The following LHFPL3 variants were observed in gnomAD, a reference collection of about 807,000 sequenced individuals.
LHFPL3 encodes the protein LHFPL tetraspan subfamily member 3.
In LHFPL3, 5 loss-of-function variants were observed where a neutral mutation model predicts 19.3. That is an observed-to-expected ratio of 0.26 (90% CI 0.14 to 0.54). The LOEUF (loss-of-function observed/expected upper bound fraction) is 0.54, where lower values mean the gene tolerates loss of function less well. LHFPL3 is among the 20% of genes least tolerant of loss of function. The pLI is 0.94. For missense variants in LHFPL3, 249 were observed against 307.4 expected, an observed-to-expected ratio of 0.81 and a Z score of 1.42; for synonymous variants, 133 against 126.2, an observed-to-expected ratio of 1.05 and a Z score of -0.36.
chr7:104,775,852 C>T (rs1178953329), intron 2 of LHFPL3, among the ~76,000 whole-genome samples: 2 of 146,652 alleles, frequency 1.4e-5, no homozygotes, highest in Non-Finnish European at 1.5e-5. Flanking sequence ...TCTTTTCTGT[C>T]TTTTTTTTTT....
intron 1 of LHFPL3, among the ~76,000 whole-genome samples, chr7:104,730,770 T>G (rs574027010): frequency 3.3e-5 from 5 of 152,370 alleles, no homozygotes; most frequent in African/African-American, 1.2e-4. Context: ...TTTGTCAATT[T>G]TGGCTTTTGT....
At chr7:104,472,261 T>G (rs1792925610) in intron 1 of LHFPL3, among the ~76,000 whole-genome samples, 3 of 152,074 alleles carry the variant, frequency 2.0e-5, no homozygotes, top group African/African-American at 7.2e-5. Context: ...ATATATCACC[T>G]TCATGCCACC....
At chr7:104,742,818 G>A (rs956989925) in intron 2 of LHFPL3, among the ~76,000 whole-genome samples, 1 of 152,112 alleles carries the variant, frequency 6.6e-6, no homozygotes, top group Non-Finnish European at 1.5e-5. Context: ...TACTCTTTTA[G>A]GAACTTGTTA....
chr7:104,504,077 T>A (rs1793653916), intron 1 of LHFPL3, among the ~76,000 whole-genome samples: 1 of 152,228 alleles, frequency 6.6e-6, no homozygotes, highest in Admixed American at 6.5e-5. Flanking sequence ...CAGGCCAGAC[T>A]CCATTCCTTT....
intron 2 of LHFPL3, among the ~76,000 whole-genome samples, chr7:104,755,313 T>G (rs1794261663): frequency 6.6e-6 from 1 of 151,894 alleles, no homozygotes; most frequent in Non-Finnish European, 1.5e-5. Flanking sequence ...ATATACCCCA[T>G]ACACAGGGGA....
chr7:104,881,811 AT>A (rs1007837652), intron 2 of LHFPL3, among the ~76,000 whole-genome samples: 1 of 152,192 alleles, frequency 6.6e-6, no homozygotes, highest in African/African-American at 2.4e-5. Flanking sequence ...TTGTGGTCTT[AT>A]TTTAGAAATT....
chr7:104,396,119 C>T (rs891469654), intron 1 of LHFPL3, among the ~76,000 whole-genome samples: 2 of 152,114 alleles, frequency 1.3e-5, no homozygotes, highest in Non-Finnish European at 2.9e-5. Context: ...AAAAGATGGC[C>T]ACTCTATTGC....
At chr7:104,590,940 G>T (rs1790704581) in intron 1 of LHFPL3, among the ~76,000 whole-genome samples, 1 of 152,040 alleles carries the variant, frequency 6.6e-6, no homozygotes, top group Non-Finnish European at 1.5e-5. Context: ...TGCAACACCT[G>T]CTTTTTTTTG....
At chr7:104,768,697 G>C (rs1340937838) in intron 2 of LHFPL3, 2 of 152,122 alleles carry the variant, frequency 1.3e-5, no homozygotes, top group African/African-American at 4.8e-5. Flanking sequence ...TTATTTCCAG[G>C]AACAGAATAC....
chr7:104,753,797 G>A (rs1794223536), intron 2 of LHFPL3, among the ~76,000 whole-genome samples: 1 of 152,160 alleles, frequency 6.6e-6, no homozygotes, highest in African/African-American at 2.4e-5. Context: ...GTAAAGAAAT[G>A]CCCAAATAAT....
intron 2 of LHFPL3, among the ~76,000 whole-genome samples, chr7:104,750,535 A>AT (rs1335919761): frequency 3.3e-5 from 5 of 151,808 alleles, no homozygotes; most frequent in African/African-American, 1.2e-4. Context: ...ACCAATATGA[A>AT]TTTGAACTCC....
chr7:104,643,404 T>G (rs1331843386), intron 1 of LHFPL3, among the ~76,000 whole-genome samples: 2 of 152,168 alleles, frequency 1.3e-5, no homozygotes, highest in Non-Finnish European at 2.9e-5. Context: ...AATAGATAAT[T>G]TCAGTATTAT....
intron 1 of LHFPL3, among the ~76,000 whole-genome samples, chr7:104,373,988 G>C (rs901727009): frequency 3.9e-5 from 6 of 152,090 alleles, no homozygotes; most frequent in Non-Finnish European, 5.9e-5. Context: ...TGTTATGCCA[G>C]AGTCAGGTTG....
At chr7:104,526,219 C>T (rs1479646181) in intron 1 of LHFPL3, among the ~76,000 whole-genome samples, 2 of 152,102 alleles carry the variant, frequency 1.3e-5, no homozygotes, top group Admixed American at 6.6e-5. Flanking sequence ...AATTCTAAGT[C>T]AACAGTTAGG....
chr7:104,845,483 T>G (rs768631796), intron 2 of LHFPL3: 1 of 1,522,218 alleles, frequency 6.6e-7, no homozygotes, highest in Non-Finnish European at 8.8e-7. Context: ...GCTTCTGCCT[T>G]CTGTTCCCGC....
chr7:104,343,444 T>C (rs1161254421), intron 1 of LHFPL3, among the ~76,000 whole-genome samples: 1 of 127,888 alleles, frequency 7.8e-6, no homozygotes, highest in Non-Finnish European at 1.6e-5. Context: ...ACCCGGGAGG[T>C]GGAGGTTGCG....
intron 1 of LHFPL3, among the ~76,000 whole-genome samples, chr7:104,640,880 C>T (rs1791820315): frequency 6.6e-6 from 1 of 152,164 alleles, no homozygotes; most frequent in Admixed American, 6.5e-5. Context: ...CTCAATTAAT[C>T]TATTAATGGA....
At chr7:104,393,789 G>C (rs1190317300) in intron 1 of LHFPL3, among the ~76,000 whole-genome samples, 1 of 152,136 alleles carries the variant, frequency 6.6e-6, no homozygotes, top group Non-Finnish European at 1.5e-5. Context: ...AAGTACTGCT[G>C]TGTGCTACAA....
intron 1 of LHFPL3, among the ~76,000 whole-genome samples, chr7:104,485,814 C>G (rs542352853): frequency 6.6e-6 from 1 of 152,268 alleles, no homozygotes; most frequent in African/African-American, 2.4e-5. Context: ...GTGATGTTCT[C>G]TGCCCTGTGT....
Sources: gnomAD v4.1 joint callset for allele counts (sites outside exome capture counted in the v4.1 genomes callset) on GRCh38, gnomAD v4.1.1 for gene constraint, MANE v1.5 for transcripts, NCBI Gene and HGNC (gene_info 2026-07-23, HGNC 2026-07-21) for gene names.